MME: variants seen among roughly 807,000 people sequenced by gnomAD.
MME encodes the protein membrane metalloendopeptidase, also known as neprilysin.
MME carries 98 observed loss-of-function variants against 113.2 expected under a neutral mutation model. That is an observed-to-expected ratio of 0.87 (90% CI 0.74 to 1.02). The LOEUF (loss-of-function observed/expected upper bound fraction) is 1.02. MME is among the 50% of genes least tolerant of loss of function. The pLI is 0.00. For synonymous variants in MME, 292 were observed against 300.6 expected (o/e 0.97, Z 0.30); for missense variants, 836 against 896.0 (o/e 0.93, Z 0.86).
chr3:155,107,719 G>A (rs915598392), intron 3 of MME, among the ~76,000 whole-genome samples: 3 of 152,216 alleles, frequency 2.0e-5, no homozygotes, highest in Non-Finnish European at 4.4e-5. Flanking sequence ...GTCATTTACA[G>A]ACATGCACAG....
chr3:155,151,215 G>A (rs1436291978), intron 16 of MME, among the ~76,000 whole-genome samples: 7 of 152,034 alleles, frequency 4.6e-5, no homozygotes, highest in Non-Finnish European at 1.0e-4. Context: ...TTACATCTTA[G>A]AGAATTACAT....
chr3:155,115,865 G>A (rs918492187), intron 4 of MME, among the ~76,000 whole-genome samples: 2 of 152,200 alleles, frequency 1.3e-5, no homozygotes, highest in African/African-American at 4.8e-5. Flanking sequence ...CCCAGCACAG[G>A]TATATTCTAA....
At chr3:155,046,318 TGCC>T (rs1713557921) in intron 1 of MME, among the ~76,000 whole-genome samples, 3 of 152,216 alleles carry the variant, frequency 2.0e-5, no homozygotes, top group African/African-American at 7.2e-5. Flanking sequence ...TACAATCTTG[TGCC>T]ACATAATGAC....
intron 15 of MME, 96 bp downstream of exon 15, chr3:155,147,320 C>T (rs1721597542): frequency 1.3e-6 from 1 of 779,656 alleles, no homozygotes; most frequent in Admixed American, 1.8e-5. Flanking sequence ...TATGAAGTAG[C>T]CTGAAACCAC....
intron 1 of MME, among the ~76,000 whole-genome samples, chr3:155,031,696 C>T (rs931678961): frequency 6.6e-6 from 1 of 152,088 alleles, no homozygotes; most frequent in Non-Finnish European, 1.5e-5. Flanking sequence ...TCGCTCTTGT[C>T]GCCCAGGCTG....
At chr3:155,047,971 C>G (rs1362170064) in intron 1 of MME, among the ~76,000 whole-genome samples, 1 of 152,066 alleles carries the variant, frequency 6.6e-6, no homozygotes, top group Non-Finnish European at 1.5e-5. Flanking sequence ...TTTGAGTAGT[C>G]TAGTTATCAT....
chr3:155,044,665 T>C (rs1176972311), intron 1 of MME, among the ~76,000 whole-genome samples: 2 of 152,120 alleles, frequency 1.3e-5, no homozygotes, highest in Non-Finnish European at 2.9e-5. Context: ...TTAATTGGAA[T>C]GTTTATAGTG....
At chr3:155,045,186 C>A (rs1289001323) in intron 1 of MME, among the ~76,000 whole-genome samples, 1 of 149,138 alleles carries the variant, frequency 6.7e-6, no homozygotes, top group South Asian at 2.1e-4. Flanking sequence ...GAGTCTCGCT[C>A]TGTCGCCAGG....
rs748733749 is a variant in MME, at chr3:155,160,379, G to T, written c.1602-11G>T. On this transcript the variant is annotated splice_polypyrimidine_tract_variant and intron_variant, in intron 16 of 22. Transcript: ENST00000360490. ...AGTATCATTTGTAAAGAGTTCTTAT[G>T]TTTTCTACAGGTGGATAAGTGGAGC... 1 of 1,596,414 alleles carries T rather than the reference G, an allele frequency of 6.3e-7. No individual in the cohort carries two copies. Among genetic ancestry groups the T allele is most frequent in the South Asian group, 1.1e-5 (1 of 90,734 alleles).
At chr3:155,048,583 T>A (rs368242281) in intron 1 of MME, among the ~76,000 whole-genome samples, 12 of 152,186 alleles carry the variant, frequency 7.9e-5, no homozygotes, top group African/African-American at 2.9e-4. Flanking sequence ...TGTGTCACTG[T>A]AAAATTAGAG....
intron 3 of MME, among the ~76,000 whole-genome samples, chr3:155,105,755 AAAC>A (rs1277407462): frequency 6.6e-6 from 1 of 152,238 alleles, no homozygotes; most frequent in Non-Finnish European, 1.5e-5. Context: ...GGTTAAAAGA[AAAC>A]AAACATTAAA....
rs1175688619 is a variant in MME at position 155,084,261 on chromosome 3, T to C, written c.94T>C (p.Ser32Pro). Reference sequence around the variant, plus strand: ...ATGGACTCCACTGGAGATCAGCCTCTCGGTCCTTGTCCTGCTCCTCACCAT... The same window carrying C: ...ATGGACTCCACTGGAGATCAGCCTCCCGGTCCTTGTCCTGCTCCTCACCAT... ...QRWTPLEISL[S>P]VLVLLLTIIA... Residue 32 changes from serine to proline, a missense_variant, in exon 2 of 23, where the codon TCG becomes CCG. Physicochemically the swap from Ser to Pro is moderately conservative, Grantham distance 74. Coordinates refer to ENST00000360490, the MANE Select transcript of MME (RefSeq NM_007289.4). The C allele has an allele frequency of 1.9e-6, 3 of 1,614,070 alleles. No homozygotes were observed. The highest frequency in any genetic ancestry group is 2.7e-5 in the African/African-American group (2 of 74,926).
At chr3:155,101,462 A>T (rs561229292) in intron 3 of MME, among the ~76,000 whole-genome samples, 1 of 152,112 alleles carries the variant, frequency 6.6e-6, no homozygotes, top group South Asian at 2.1e-4. Context: ...AGTAGCTCAA[A>T]CATTCCACTT....
In MME at chr3:155,160,377, A is replaced by G; in HGVS notation, c.1602-13A>G. 1 of 1,591,214 alleles carries G rather than the reference A, an allele frequency of 6.3e-7. No homozygotes were observed. Among genetic ancestry groups the G allele is most frequent in the Non-Finnish European group, 8.6e-7 (1 of 1,159,564 alleles). ...GCAGTATCATTTGTAAAGAGTTCTT[A>G]TGTTTTCTACAGGTGGATAAGTGGA... On this transcript the variant is annotated splice_polypyrimidine_tract_variant and intron_variant, in intron 16 of 22. Transcript: ENST00000360490.
At chr3:155,049,983 C>T (rs1044445388) in intron 1 of MME, among the ~76,000 whole-genome samples, 19 of 152,174 alleles carry the variant, frequency 1.2e-4, no homozygotes, top group African/African-American at 3.9e-4. Flanking sequence ...GTTCCTCCTC[C>T]GAACCTTCAC....
intron 1 of MME, among the ~76,000 whole-genome samples, chr3:155,039,202 A>G (rs1458630030): frequency 6.6e-6 from 1 of 152,204 alleles, no homozygotes; most frequent in Non-Finnish European, 1.5e-5. Context: ...GGCAGAGGAT[A>G]TAGGAGCAAG....
intron 1 of MME, among the ~76,000 whole-genome samples, chr3:155,039,000 T>C (rs1421420718): frequency 1.3e-5 from 2 of 152,202 alleles, no homozygotes; most frequent in African/African-American, 4.8e-5. Context: ...AAGAACCTCA[T>C]TGTATGGCAA....
At chr3:155,116,196 TAAA>T (rs11296151) in intron 4 of MME, among the ~76,000 whole-genome samples, 2 of 145,296 alleles carry the variant, frequency 1.4e-5, no homozygotes, top group Non-Finnish European at 3.0e-5. Context: ...TCACTGTTCA[TAAA>T]AAAAAAAAAA....
At chr3:155,087,365 G>A (rs1221365851) in intron 3 of MME, among the ~76,000 whole-genome samples, 1 of 150,484 alleles carries the variant, frequency 6.6e-6, no homozygotes, top group Admixed American at 6.7e-5. Flanking sequence ...TGATTTAGAT[G>A]TTAGCCATTT....
Sources: gnomAD v4.1 joint callset for allele counts (sites outside exome capture counted in the v4.1 genomes callset) on GRCh38, gnomAD v4.1.1 for gene constraint, MANE v1.5 for transcripts, NCBI Gene and HGNC (gene_info 2026-07-23, HGNC 2026-07-21) for gene names.